GSN: variants seen among roughly 807,000 people sequenced by gnomAD.
GSN encodes the protein actin-depolymerizing factor.
Under a neutral mutation model 85.7 loss-of-function variants are expected in GSN, and 56 were observed. The ratio of observed to expected loss-of-function variants is 0.65; its 90% CI spans 0.53 to 0.82. GSN has a LOEUF of 0.82. Among genes scored for constraint, GSN ranks in the 40% least tolerant of loss-of-function variants. The probability of loss-of-function intolerance (pLI) is 0.00; values close to 1 mark genes in which losing one functional copy is unlikely to be tolerated. For missense variants in GSN, 857 were observed against 979.8 expected (o/e 0.87, Z 1.67); for synonymous variants, 373 against 399.1 (o/e 0.93, Z 0.78).
At chr9:121,283,194 G>A (rs1564414642) in intron 2 of GSN, 1 of 162,850 alleles carries the variant, frequency 6.1e-6, no homozygotes, top group Non-Finnish European at 1.5e-5. Flanking sequence ...TAGGGCCCTG[G>A]TTTTTTCAGT....
intron 1 of GSN, among the ~76,000 whole-genome samples, chr9:121,273,030 C>T (rs1052949286): frequency 6.6e-6 from 1 of 152,172 alleles, no homozygotes; most frequent in African/African-American, 2.4e-5. Context: ...AGCCTCTTCA[C>T]CTCTTGCATT....
chr9:121,218,422 G>T (rs2054107214), intron 4 of GSN, among the ~76,000 whole-genome samples: 1 of 152,150 alleles, frequency 6.6e-6, no homozygotes, highest in Non-Finnish European at 1.5e-5. Flanking sequence ...ATCACTGGAG[G>T]TCAGGGGTTC....
intron 1 of GSN, among the ~76,000 whole-genome samples, chr9:121,209,045 T>C (rs11790268): frequency 1.3e-3 from 201 of 152,320 alleles, no homozygotes; most frequent in Admixed American, 3.9e-3. Flanking sequence ...AGTTGAGATA[T>C]CAACAAAAAG....
chr9:121,295,761 C>T (rs2059155893), intron 2 of GSN, among the ~76,000 whole-genome samples: 1 of 152,218 alleles, frequency 6.6e-6, no homozygotes, highest in Middle Eastern at 3.2e-3. Context: ...CACAGAGAAT[C>T]TGCCTACTGT....
chr9:121,278,972 T>G (rs1488666961), intron 1 of GSN, among the ~76,000 whole-genome samples: 1 of 152,242 alleles, frequency 6.6e-6, no homozygotes, highest in Non-Finnish European at 1.5e-5. Flanking sequence ...TACACACGTG[T>G]GCACGCATGG....
rs2055087841 is a variant in GSN at position 121,261,675 on chromosome 9, C to G, written c.-340-3479C>G. Among the ~76,000 whole-genome samples, 1 of 152,166 alleles carries G rather than the reference C, an allele frequency of 6.6e-6. No homozygotes were observed. The highest frequency in any genetic ancestry group is 1.5e-5 in the Non-Finnish European group (1 of 68,028). ...TCCATCTTGCCATATGGCTTGGTCT[C>G]CCGTAACTCAGTGGATGTACCCTGT... On this transcript the variant is annotated intron_variant, in intron 6 of 24. Coordinates refer to the GSN transcript ENST00000373823. The surrounding 1 kb of genome is among the most constrained non-coding windows in gnomAD (Gnocchi z 4.1).
chr9:121,210,193 A>C (rs570512535), intron 2 of GSN: 2 of 152,302 alleles, frequency 1.3e-5, no homozygotes, highest in East Asian at 3.9e-4. Context: ...CTATGTCCAT[A>C]ATGTGTCAAC....
intron 8 of GSN, chr9:121,317,490 C>A: frequency 2.2e-6 from 1 of 457,772 alleles, no homozygotes; most frequent in Non-Finnish European, 4.0e-6. Context: ...GGCTAATTGG[C>A]ATCCTGTAGA....
chr9:121,268,017 T>C (rs2055304385), upstream of GSN: 1 of 152,104 alleles, frequency 6.6e-6, no homozygotes, highest in South Asian at 2.1e-4. Context: ...GAAGGCGAGC[T>C]TGGAGCCACC....
At chr9:121,331,959 G>A (rs2063966022) in intron 17 of GSN, 3 of 217,468 alleles carry the variant, frequency 1.4e-5, no homozygotes, top group South Asian at 1.5e-4. Context: ...AGGAGGTTGA[G>A]GTCAGAGGAT....
Position 121,324,536 on chromosome 9 carries a change from T to A in GSN, c.1326-18T>A. 7.3e-7 allele frequency: 1 copy of A among 1,372,340 alleles called. No individual in the cohort carries two copies. Among genetic ancestry groups the A allele is most frequent in the Non-Finnish European group, 1.0e-6 (1 of 985,314 alleles). The allele number at this position is 1,372,340 out of a possible 1,614,324, so 85.0% of individuals were successfully genotyped here. On this transcript the variant is annotated intron_variant, in intron 11 of 17. Transcript: ENST00000432226. ...GCTCTGTGTGCACCCTGATGCTGAA[T>A]CTCACTTCCCCTTCCAGGCAGGGTG...
intron 1 of GSN, among the ~76,000 whole-genome samples, chr9:121,271,310 C>T (rs746736833): frequency 1.1e-4 from 16 of 152,038 alleles, no homozygotes; most frequent in East Asian, 3.9e-4. Flanking sequence ...GCTGAAATCA[C>T]GCCACTGCAC....
chr9:121,250,872 G>GT lies in GSN; in HGVS notation c.-341+2549_-341+2550insT, dbSNP rs2054811646. 3.7e-5 allele frequency among the ~76,000 whole-genome samples: 5 copies of GT among 135,018 alleles called. No homozygotes were observed. In the Admixed American group the frequency reaches 3.8e-4, roughly 10 times the overall value. The allele number at this position is 135,018 out of a possible 152,430, so 88.6% of individuals were successfully genotyped here. ...TTTTTTGCTTATCATGCCTGCTTGG[G>GT]GTGTGTGTGTGTGTGTGTGTGTGTG... is the stretch of plus-strand genomic sequence containing the variant. On this transcript the variant is annotated intron_variant, in intron 6 of 24. Transcript: ENST00000373823.
At chr9:121,219,486 G>A (rs4582630) in intron 4 of GSN, among the ~76,000 whole-genome samples, 14,627 of 152,186 alleles carry the variant, frequency 0.096, 867 homozygotes, top group Middle Eastern at 0.14. Flanking sequence ...ATTCCAGGCA[G>A]CAGTTTTATA....
chr9:121,287,908 T>C (rs2058311800), intron 2 of GSN, among the ~76,000 whole-genome samples: 1 of 152,114 alleles, frequency 6.6e-6, no homozygotes, highest in Non-Finnish European at 1.5e-5. Flanking sequence ...GCACACCCCA[T>C]AGCTGACCAC....
intron 7 of GSN, 144 bp from the exon 8 acceptor site, chr9:121,316,942 G>T (rs2061781397): frequency 5.1e-6 from 5 of 972,770 alleles, no homozygotes; most frequent in Non-Finnish European, 7.8e-6. Flanking sequence ...AAACGAAAAA[G>T]AACCTCTAAA....
At chr9:121,312,260 G>A (rs1183224955) in intron 5 of GSN, 79 bp from the exon 6 acceptor site, 4 of 1,518,578 alleles carry the variant, frequency 2.6e-6, no homozygotes, top group Admixed American at 1.7e-5. Flanking sequence ...CACACCACAC[G>A]CCACACTCCC....
chr9:121,248,192 A>G (rs2054741590), intron 5 of GSN: 1 of 141,154 alleles, frequency 7.1e-6, no homozygotes, highest in East Asian at 2.0e-4. Context: ...CTTTTTTTTT[A>G]GCAGGGGGGT....
At chr9:121,262,843 C>G (rs529220342) in intron 6 of GSN, among the ~76,000 whole-genome samples, 58 of 152,366 alleles carry the variant, frequency 3.8e-4, no homozygotes, top group Non-Finnish European at 7.2e-4. Flanking sequence ...GAGCAACCCT[C>G]TCTTGAGTCC....
Sources: gnomAD v4.1 joint callset for allele counts (sites outside exome capture counted in the v4.1 genomes callset) on GRCh38, gnomAD v4.1.1 for gene constraint, Gnocchi (gnomAD v3.1) non-coding constraint, MANE v1.5 for transcripts, NCBI Gene and HGNC (gene_info 2026-07-23, HGNC 2026-07-21) for gene names.